Variants in MDN1 observed in about 807,000 individuals in gnomAD.
MDN1 encodes the protein midasin.
In MDN1, 266 loss-of-function variants were observed where a neutral mutation model predicts 669.2. The ratio of observed to expected loss-of-function variants is 0.40; its 90% CI spans 0.36 to 0.44. MDN1 has a LOEUF of 0.44. MDN1 is among the 20% of genes least tolerant of loss of function. MDN1 has a pLI of 1.00. For missense variants in MDN1, 5,940 were observed against 6,754.0 expected, an observed-to-expected ratio of 0.88 and a Z score of 4.22; for synonymous variants, 2,385 against 2,457.1, an observed-to-expected ratio of 0.97 and a Z score of 0.87.
chr6:89,661,683 C>G, intron 87 of MDN1, 105 bp from the exon 88 acceptor site: 1 of 1,088,744 alleles, frequency 9.2e-7, no homozygotes, highest in Non-Finnish European at 1.3e-6. Context: ...TGTGAGAGAA[C>G]ACAATATCTA....
chr6:89,744,685 G>A (rs1816494712), intron 29 of MDN1, among the ~76,000 whole-genome samples: 1 of 151,936 alleles, frequency 6.6e-6, no homozygotes, highest in Non-Finnish European at 1.5e-5. Flanking sequence ...TTACAGGCAT[G>A]AACCACCACA....
At chr6:89,795,259 A>T (rs933767783) in intron 2 of MDN1, among the ~76,000 whole-genome samples, 1 of 152,218 alleles carries the variant, frequency 6.6e-6, no homozygotes, top group East Asian at 1.9e-4. Flanking sequence ...TTCAAAACCA[A>T]ATAGATACTC....
At chr6:89,715,974 T>C (rs1443083554) in intron 44 of MDN1, among the ~76,000 whole-genome samples, 1 of 152,220 alleles carries the variant, frequency 6.6e-6, no homozygotes, top group Non-Finnish European at 1.5e-5. Context: ...CAGGGCCTTA[T>C]ACACAGTAAA....
chr6:89,713,348 A>G (rs372902959), intron 46 of MDN1, 52 bp from the exon 47 acceptor site: 14 of 1,475,108 alleles, frequency 9.5e-6, no homozygotes, highest in South Asian at 8.7e-5. Context: ...AAAATCTCCA[A>G]TGAAAATGGA....
chr6:89,807,084 G>A lies in MDN1; in HGVS notation c.103-3530C>T, dbSNP rs571861181. 1.1e-4 allele frequency among the ~76,000 whole-genome samples: 17 copies of A among 151,656 alleles called. No individual in the cohort carries two copies. In the South Asian group the frequency reaches 3.3e-3, roughly 30 times the overall value. Reference sequence around the variant, plus strand: ...CAAAATCCTGTCTTAAGCAAACATTGTTTTGTTTTTTATTTTATTTTTTTG... The same window carrying A: ...CAAAATCCTGTCTTAAGCAAACATTATTTTGTTTTTTATTTTATTTTTTTG... On this transcript the variant is annotated intron_variant, in intron 1 of 101. Transcript: ENST00000369393.
chr6:89,780,201 CTA>C lies in MDN1; in HGVS notation c.1725+9_1725+10del, dbSNP rs1396876570. 2 of 1,492,476 alleles carry C rather than the reference CTA, an allele frequency of 1.3e-6. No individual in the cohort carries two copies. Among genetic ancestry groups the C allele is most frequent in the African/African-American group, 1.4e-5 (1 of 69,790 alleles). 92.5% of individuals were successfully genotyped at this position (1,492,476 alleles called of 1,614,324 possible). Reference sequence around the variant, plus strand: ...AACCAAGACAAAAAAGACTGGAAAACTATATCTTACCTCTTGAAAAATATTTA... The same window carrying C: ...AACCAAGACAAAAAAGACTGGAAAACTATCTTACCTCTTGAAAAATATTTA... On this transcript the variant is annotated intron_variant, in intron 11 of 101. Transcript: ENST00000369393.
At position 89,674,425 on chromosome 6, in the gene MDN1, T is replaced by A; in HGVS notation, c.12926A>T (p.Gln4309Leu). 6.2e-7 allele frequency: 1 copy of A among 1,614,132 alleles called. No individual in the cohort carries two copies. The highest frequency in any genetic ancestry group is 1.1e-5 in the South Asian group (1 of 91,080). Residue 4309 changes from glutamine to leucine, a missense_variant, in exon 79 of 102, where the codon CAG (glutamine) becomes CTG (leucine). Gln to Leu is a moderately radical substitution (Grantham distance 113). Transcript: ENST00000369393. Reference sequence around the variant, plus strand: ...AGCTGGCCCTACACTGGGGCAGCACTGGAGGAGCCAGGAGAGCTGCTCAAG... The same window carrying A: ...AGCTGGCCCTACACTGGGGCAGCACAGGAGGAGCCAGGAGAGCTGCTCAAG... ...ILLEQLSWLL[Q>L]CCPSVGPAPG...
intron 84 of MDN1, among the ~76,000 whole-genome samples, chr6:89,667,812 C>G (rs1810368177): frequency 6.6e-6 from 1 of 151,910 alleles, no homozygotes; most frequent in Admixed American, 6.6e-5. Flanking sequence ...TAGCCAAAAC[C>G]AATGATGGAG....
intron 22 of MDN1, among the ~76,000 whole-genome samples, chr6:89,752,720 T>C (rs1336097850): frequency 2.0e-5 from 3 of 152,214 alleles, no homozygotes; most frequent in Admixed American, 6.5e-5. Context: ...AACTATGGTG[T>C]ACCCATCCAG....
At position 89,687,424 on chromosome 6, in the gene MDN1, A is replaced by G. The variant is rs142661696; in HGVS notation, c.11370T>C (p.Asn3790=). ...LLAKAQDWEE[N]ASRALSLRKH... is the part of the protein sequence containing the mutation. ...TCCGCAAAGACAAAGCTCGACTTGCATTTTCCTCCCAATCCTAAAGAAACA... is the reference window on the plus strand; with the variant it reads ...TCCGCAAAGACAAAGCTCGACTTGCGTTTTCCTCCCAATCCTAAAGAAACA... Residue 3790 remains asparagine, a synonymous_variant, in exon 68 of 102, where the codon AAT becomes AAC. Transcript: ENST00000369393. 4.9e-5 allele frequency: 79 copies of G among 1,613,814 alleles called. No individual in the cohort carries two copies. In the African/African-American group the frequency reaches 9.6e-4, roughly 20 times the overall value.
In MDN1 at chr6:89,780,285, A is replaced by G; in HGVS notation, c.1652T>C (p.Leu551Pro). 1 of 1,565,406 alleles carries G rather than the reference A, an allele frequency of 6.4e-7. No homozygotes were observed. The change falls in exon 11 of 102, where the codon CTG (leucine) becomes CCG (proline). Residue 551 changes from leucine (L) to proline (P), a missense_variant. Leu to Pro is a moderately conservative substitution (Grantham distance 98, BLOSUM62 -3). Coordinates refer to ENST00000369393, the MANE Select transcript of MDN1 (RefSeq NM_014611.3). ...ATGGGCAATCCTATTACACCAATTC[A>G]GCAGATCCCTTTAAAAAAAAGAAAG... ...EGRELSLRDL[L>P]NWCNRIAHSF...
chr6:89,724,719 C>T (rs1456319504), intron 38 of MDN1, among the ~76,000 whole-genome samples: 1 of 152,200 alleles, frequency 6.6e-6, no homozygotes, highest in Non-Finnish European at 1.5e-5. Context: ...TAAGCATACA[C>T]ATACACAGGT....
intron 19 of MDN1, 124 bp downstream of exon 19, chr6:89,758,131 G>A (rs1390883002): frequency 1.5e-5 from 10 of 688,748 alleles, no homozygotes; most frequent in South Asian, 1.9e-5. Flanking sequence ...GGAGGTGGGA[G>A]GTGGGAGGAC....
chr6:89,708,377 C>T (rs1813660205), intron 51 of MDN1, 119 bp downstream of exon 51: 2 of 1,277,096 alleles, frequency 1.6e-6, no homozygotes, highest in African/African-American at 1.5e-5. Flanking sequence ...TCCAACACCC[C>T]ACAACTTCTC....
chr6:89,808,589 C>T (rs1768163523), intron 1 of MDN1, among the ~76,000 whole-genome samples: 1 of 152,128 alleles, frequency 6.6e-6, no homozygotes, highest in Admixed American at 6.6e-5. Context: ...CAGTACTCAC[C>T]AGACCCCATA....
rs1482210080 is a variant in MDN1, at chr6:89,680,619, G to A, written c.12235C>T (p.Arg4079Cys). Residue 4079 changes from arginine to cysteine, a missense_variant, in exon 74 of 102, where the codon CGC becomes TGC. By Grantham distance (180) the Arg-to-Cys change is radical. Coordinates refer to ENST00000369393, the MANE Select transcript of MDN1 (RefSeq NM_014611.3). ...LTFMKESPLP[R>C]LVEGLDQFTG... ...AACTGATCAAGGCCCTCCACAAGGC[G>A]AGGCAGGGGGCTCTCCTTCATGAAC... is the stretch of plus-strand genomic sequence containing the variant. 1.2e-6 allele frequency: 2 copies of A among 1,614,186 alleles called. No homozygotes were observed. The highest frequency in any genetic ancestry group is 1.1e-5 in the South Asian group (1 of 91,070).
At position 89,803,512 on chromosome 6, in the gene MDN1, C is replaced by T; in HGVS notation, c.145G>A (p.Ala49Thr). The change falls in exon 2 of 102, where the codon GCA (alanine) becomes ACA (threonine). Residue 49 changes from alanine to threonine, a missense_variant. Around this residue, in one of 5 missense-constraint regions of MDN1, gnomAD observed 1,203 missense variants for 1,268.9 expected, o/e 0.95. Coordinates refer to ENST00000369393, the MANE Select transcript of MDN1 (RefSeq NM_014611.3). ...QDRQCVLSTL[A>T]QLLLDKDCTV... Reference sequence around the variant, plus strand: ...CAGTCCTTATCCAAAAGCAACTGTGCTAAGGTACTCAGGACACACTGGCGA... The same window carrying T: ...CAGTCCTTATCCAAAAGCAACTGTGTTAAGGTACTCAGGACACACTGGCGA... The T allele has an allele frequency of 6.2e-7, 1 of 1,613,958 alleles. No homozygotes were observed. The highest frequency in any genetic ancestry group is 8.5e-7 in the Non-Finnish European group (1 of 1,179,994).
At chr6:89,816,031 T>C (rs1768800855) in intron 1 of MDN1, among the ~76,000 whole-genome samples, 2 of 152,230 alleles carry the variant, frequency 1.3e-5, no homozygotes, top group South Asian at 4.1e-4. Flanking sequence ...AAACTGCTTT[T>C]ATTTTATTAG....
chr6:89,794,315 C>T (rs1819453678), intron 3 of MDN1, 108 bp from the exon 4 acceptor site: 1 of 699,692 alleles, frequency 1.4e-6, no homozygotes. Flanking sequence ...TCAATTATTA[C>T]AACACATTTA....
Sources: gnomAD v4.1 joint callset for allele counts (sites outside exome capture counted in the v4.1 genomes callset) on GRCh38, gnomAD v4.1.1 for gene constraint, gnomAD v4.1.1 regional missense constraint, MANE v1.5 for transcripts, NCBI Gene and HGNC (gene_info 2026-07-23, HGNC 2026-07-21) for gene names.